HERC3: variants seen among roughly 807,000 people sequenced by gnomAD.
HERC3 encodes the protein probable E3 ubiquitin-protein ligase HERC3.
In HERC3, 58 loss-of-function variants were observed where a neutral mutation model predicts 129.9. That is an observed-to-expected ratio of 0.45 (90% CI 0.36 to 0.56). The LOEUF (loss-of-function observed/expected upper bound fraction) is 0.56, where lower values mean the gene tolerates loss of function less well. HERC3 is among the 20% of genes least tolerant of loss of function. The pLI is 0.00. For synonymous variants in HERC3, 430 were observed against 451.0 expected (o/e 0.95, Z 0.59); for missense variants, 835 against 1,244.2 (o/e 0.67, Z 4.95).
the HERC3 span, among the ~76,000 whole-genome samples, chr4:88,540,143 G>T: frequency 6.6e-6 from 1 of 152,172 alleles, no homozygotes; most frequent in Non-Finnish European, 1.5e-5. Flanking sequence ...AAACTTCTCT[G>T]AGCTAAAAGA....
chr4:88,698,768 C>T (rs1458141743), intron 23 of HERC3, among the ~76,000 whole-genome samples: 2 of 150,292 alleles, frequency 1.3e-5, no homozygotes, highest in Non-Finnish European at 3.0e-5. Context: ...CCCTCCCCCG[C>T]ACTGACTTAT....
chr4:88,622,350 A>AT (rs1445729688), intron 3 of HERC3, among the ~76,000 whole-genome samples: 4 of 152,202 alleles, frequency 2.6e-5, no homozygotes, highest in Non-Finnish European at 5.9e-5. Flanking sequence ...ATCCCATTGT[A>AT]TGGATATACC....
the HERC3 span, among the ~76,000 whole-genome samples, chr4:88,537,149 A>G: frequency 6.6e-6 from 1 of 152,182 alleles, no homozygotes; most frequent in African/African-American, 2.4e-5. Context: ...TTTATACAAT[A>G]TTACTGTATA....
chr4:88,652,095 T>G lies in HERC3; in HGVS notation c.463+7T>G, dbSNP rs1156525592. Reference sequence around the variant, plus strand: ...TGCTTGGCTCTTGCGGCTGGTAAAGTAACATTAAACATATGCTAATGCTAT... The same window carrying G: ...TGCTTGGCTCTTGCGGCTGGTAAAGGAACATTAAACATATGCTAATGCTAT... On this transcript the variant is annotated splice_region_variant and intron_variant, in intron 5 of 25. Transcript: ENST00000402738. 4 of 1,591,734 alleles carry G rather than the reference T, an allele frequency of 2.5e-6. No homozygotes were observed. The highest frequency in any genetic ancestry group is 3.4e-6 in the Non-Finnish European group (4 of 1,159,582).
intron 21 of HERC3, among the ~76,000 whole-genome samples, chr4:88,683,227 G>C (rs1288840542): frequency 2.0e-5 from 3 of 152,020 alleles, no homozygotes; most frequent in Admixed American, 1.3e-4. Flanking sequence ...CTCTGTATTG[G>C]TTTTGGGTCA....
intron 3 of HERC3, among the ~76,000 whole-genome samples, chr4:88,611,742 G>A (rs1010698597): frequency 6.6e-6 from 1 of 152,176 alleles, no homozygotes. Context: ...GGCTGTGAAT[G>A]GAGTAATGCC....
the HERC3 span, among the ~76,000 whole-genome samples, chr4:88,557,634 G>T: frequency 5.5e-3 from 838 of 152,172 alleles, 12 homozygotes; most frequent in African/African-American, 0.019. Flanking sequence ...AAAGAATAAA[G>T]TCCAGCTCTA....
At chr4:88,695,233 GTTGT>G (rs1734483106) in intron 23 of HERC3, among the ~76,000 whole-genome samples, 1 of 152,012 alleles carries the variant, frequency 6.6e-6, no homozygotes, top group Non-Finnish European at 1.5e-5. Context: ...TTACCTTAAG[GTTGT>G]TTGTACTCAA....
rs1397671522 is a variant in HERC3 at position 88,682,771 on chromosome 4, C to T, written c.2507+1446C>T. ...AAGTCTTTGCTATTGTGAATAGTGC[C>T]GCAATAAACATACGTGTGCATGTGT... is the stretch of plus-strand genomic sequence containing the variant. On this transcript the variant is annotated intron_variant, in intron 21 of 25. Coordinates refer to ENST00000402738, the MANE Select transcript of HERC3 (RefSeq NM_014606.3). Among the ~76,000 whole-genome samples the T allele has an allele frequency of 7.2e-5, 11 of 151,936 alleles. No homozygotes were observed. The Middle Eastern group carries it at 0.01, about 142-fold the overall frequency.
chr4:88,655,376 A>G, intron 8 of HERC3, 72 bp downstream of exon 8: 1 of 1,542,550 alleles, frequency 6.5e-7, no homozygotes, highest in Non-Finnish European at 8.9e-7. Flanking sequence ...AGTGATGAAG[A>G]ATGTGATTAT....
At chr4:88,619,069 C>T (rs1408495734) in intron 3 of HERC3, among the ~76,000 whole-genome samples, 1 of 152,198 alleles carries the variant, frequency 6.6e-6, no homozygotes, top group Non-Finnish European at 1.5e-5. Flanking sequence ...AGAATTTATT[C>T]ATCCTTTTCT....
At chr4:88,540,280 C>T in the HERC3 span, among the ~76,000 whole-genome samples, 1 of 152,024 alleles carries the variant, frequency 6.6e-6, no homozygotes, top group African/African-American at 2.4e-5. Flanking sequence ...AACCACAGTG[C>T]GAGAACTTCG....
intron 6 of HERC3, 86 bp downstream of exon 6, chr4:88,653,176 C>T (rs2149273935): frequency 7.7e-7 from 1 of 1,293,798 alleles, no homozygotes; most frequent in Non-Finnish European, 1.1e-6. Context: ...ATGTGCTAGC[C>T]CCATGTGAGA....
chr4:88,640,896 TG>T (rs1342283038), intron 3 of HERC3, among the ~76,000 whole-genome samples: 1 of 152,216 alleles, frequency 6.6e-6, no homozygotes, highest in Non-Finnish European at 1.5e-5. Context: ...TACTCTTTTT[TG>T]TGATAAATAG....
chr4:88,688,767 G>A (rs1733747566), intron 23 of HERC3, among the ~76,000 whole-genome samples: 1 of 152,068 alleles, frequency 6.6e-6, no homozygotes, highest in African/African-American at 2.4e-5. Context: ...TTAAATTTGA[G>A]GTCGCTTACA....
the HERC3 span, among the ~76,000 whole-genome samples, chr4:88,527,386 G>A: frequency 2.5e-4 from 38 of 151,706 alleles, no homozygotes; most frequent in Non-Finnish European, 5.3e-4. Flanking sequence ...TGAGTAGCTG[G>A]GACCATAGGC....
At chr4:88,667,514 A>G in intron 13 of HERC3, 26 bp downstream of exon 13, 1 of 1,256,286 alleles carries the variant, frequency 8.0e-7, no homozygotes, top group Non-Finnish European at 1.1e-6. Context: ...TGTAAAGTGC[A>G]TTCTTAAAAA....
intron 3 of HERC3, among the ~76,000 whole-genome samples, chr4:88,631,402 C>T (rs1247364620): frequency 2.0e-5 from 3 of 152,188 alleles, no homozygotes; most frequent in Non-Finnish European, 4.4e-5. Context: ...TTACAGTGAG[C>T]TGAGATTGTG....
chr4:88,654,475 T>C (rs1729670823), intron 7 of HERC3, among the ~76,000 whole-genome samples: 1 of 145,810 alleles, frequency 6.9e-6, no homozygotes, highest in South Asian at 2.1e-4. Flanking sequence ...ATAAATATAA[T>C]GTATATATTT....
Sources: gnomAD v4.1 joint callset for allele counts (sites outside exome capture counted in the v4.1 genomes callset) on GRCh38, gnomAD v4.1.1 for gene constraint, MANE v1.5 for transcripts, NCBI Gene and HGNC (gene_info 2026-07-23, HGNC 2026-07-21) for gene names.